Variants in LURAP1L observed in about 807,000 individuals in gnomAD.
The protein encoded by LURAP1L is leucine rich adaptor protein 1 like, also known as leucine rich adaptor protein 1-like.
Under a neutral mutation model 13.8 loss-of-function variants are expected in LURAP1L, and 12 were observed. That is an observed-to-expected ratio of 0.87 (90% CI 0.56 to 1.41). The LOEUF is 1.41. Among genes scored for constraint, LURAP1L ranks in the 40% most tolerant of loss-of-function variants. The pLI is 0.00. For synonymous variants in LURAP1L, 139 were observed against 119.2 expected, an observed-to-expected ratio of 1.17 and a Z score of -1.08; for missense variants, 375 against 292.9, an observed-to-expected ratio of 1.28 and a Z score of -2.04.
chr9:12,784,672 G>T (rs911185804), intron 1 of LURAP1L, among the ~76,000 whole-genome samples: 4 of 152,144 alleles, frequency 2.6e-5, no homozygotes, highest in African/African-American at 9.7e-5. Context: ...GTCACCCGAG[G>T]CCTGTGGCAA....
intron 1 of LURAP1L, among the ~76,000 whole-genome samples, chr9:12,791,879 C>T (rs905468920): frequency 3.9e-5 from 6 of 152,102 alleles, no homozygotes; most frequent in African/African-American, 1.4e-4. Context: ...ATTAATGCCA[C>T]AATTAATGAC....
In LURAP1L at chr9:12,775,844, C is replaced by T. The variant is rs1819166345; in HGVS notation, c.129C>T (p.Cys43=). The T allele has an allele frequency of 4.4e-6, 7 of 1,581,288 alleles. No homozygotes were observed. The South Asian group carries it at 4.5e-5, about 10-fold the overall frequency. The part of the protein sequence containing the change: ...PVPRERDRDP[C]GGSGGGGGGG... ...CCAGGGAAAGGGACAGGGACCCCTG[C>T]GGGGGGAGCGGTGGTGGTGGCGGCG... Residue 43 remains cysteine, a synonymous_variant, in exon 1 of 2, where the codon TGC becomes TGT. Transcript: ENST00000319264.
At chr9:12,786,343 T>G (rs1819350191) in intron 1 of LURAP1L, among the ~76,000 whole-genome samples, 1 of 151,554 alleles carries the variant, frequency 6.6e-6, no homozygotes, top group South Asian at 2.1e-4. Context: ...CACTTAATAG[T>G]TCTTTTCTAA....
chr9:12,791,839 C>T (rs1253047121), intron 1 of LURAP1L, among the ~76,000 whole-genome samples: 4 of 152,062 alleles, frequency 2.6e-5, no homozygotes, highest in East Asian at 3.9e-4. Flanking sequence ...TGTTGTCCTT[C>T]GTCCATCGTG....
intron 1 of LURAP1L, among the ~76,000 whole-genome samples, chr9:12,782,340 G>C (rs1044614313): frequency 6.6e-6 from 1 of 152,212 alleles, no homozygotes; most frequent in Non-Finnish European, 1.5e-5. Context: ...CCAGAGCAAT[G>C]TTATAGAGAG....
intron 1 of LURAP1L, among the ~76,000 whole-genome samples, chr9:12,802,743 T>G (rs1652585848): frequency 6.6e-6 from 1 of 152,128 alleles, no homozygotes; most frequent in African/African-American, 2.4e-5. Context: ...GTCTATGGAA[T>G]GAACTGTCAC....
chr9:12,797,868 C>T (rs1021683981), intron 1 of LURAP1L, among the ~76,000 whole-genome samples: 2 of 151,998 alleles, frequency 1.3e-5, no homozygotes, highest in Non-Finnish European at 2.9e-5. Flanking sequence ...TTTAGTTTCA[C>T]GTGTATTTGA....
In LURAP1L at chr9:12,775,403, C is replaced by T. The variant is rs1401700210; in HGVS notation, c.-313C>T. Reference sequence around the variant, plus strand: ...CACTACTTCCCCCTCTTTATTCCCCCTCTGTCTGCAATATCAGTGAACTCA... The same window carrying T: ...CACTACTTCCCCCTCTTTATTCCCCTTCTGTCTGCAATATCAGTGAACTCA... On this transcript the variant is annotated 5_prime_UTR_variant, in exon 1 of 2. Coordinates refer to ENST00000319264, the MANE Select transcript of LURAP1L (RefSeq NM_203403.2). 1 of 331,806 alleles carries T rather than the reference C, an allele frequency of 3.0e-6. No homozygotes were observed. Among genetic ancestry groups the T allele is most frequent in the Non-Finnish European group, 5.4e-6 (1 of 185,992 alleles). The allele number at this position is 331,806 out of a possible 1,614,324, so 20.6% of individuals were successfully genotyped here. A position where few individuals can be genotyped will look rare whatever the true frequency, so the allele number is the denominator to read the frequency against.
chr9:12,775,812 C>G lies in LURAP1L; in HGVS notation c.97C>G (p.Pro33Ala), dbSNP rs760183432. The G allele has an allele frequency of 3.7e-6, 6 of 1,606,962 alleles. 1 individual carries two copies. Among genetic ancestry groups the G allele is most frequent in the Non-Finnish European group, 5.1e-6 (6 of 1,177,720 alleles). ...SLVRSLRGEE[P>A]VPRERDRDPC... Reference sequence around the variant, plus strand: ...AGTGCGCTCTCTCCGTGGGGAGGAGCCGGTTCCCAGGGAAAGGGACAGGGA... The same window carrying G: ...AGTGCGCTCTCTCCGTGGGGAGGAGGCGGTTCCCAGGGAAAGGGACAGGGA... Residue 33 changes from proline (P) to alanine (A), a missense_variant, in exon 1 of 2, where the codon CCG becomes GCG. Coordinates refer to ENST00000319264, the MANE Select transcript of LURAP1L (RefSeq NM_203403.2).
intron 1 of LURAP1L, among the ~76,000 whole-genome samples, chr9:12,818,323 C>T (rs1045102980): frequency 6.6e-6 from 1 of 152,162 alleles, no homozygotes; most frequent in Non-Finnish European, 1.5e-5. Context: ...TATGTTTTAA[C>T]CCCTGGTGGC....
chr9:12,791,659 T>C (rs1021174010), intron 1 of LURAP1L, among the ~76,000 whole-genome samples: 1 of 134,640 alleles, frequency 7.4e-6, no homozygotes, highest in Non-Finnish European at 1.7e-5. Flanking sequence ...TCTCTCTCCT[T>C]CTCTCTCTCT....
At chr9:12,790,430 C>G (rs1246640487) in intron 1 of LURAP1L, among the ~76,000 whole-genome samples, 1 of 152,098 alleles carries the variant, frequency 6.6e-6, no homozygotes, top group Non-Finnish European at 1.5e-5. Flanking sequence ...ACTACACTAG[C>G]AACATTTGCT....
In LURAP1L at chr9:12,813,655, A is replaced by C. The variant is rs1819767681; in HGVS notation, c.313-7731A>C. 2.6e-5 allele frequency among the ~76,000 whole-genome samples: 4 copies of C among 152,212 alleles called. No individual in the cohort carries two copies. The South Asian group carries it at 8.3e-4, about 31-fold the overall frequency. On this transcript the variant is annotated intron_variant, in intron 1 of 1. Coordinates refer to ENST00000319264, the MANE Select transcript of LURAP1L (RefSeq NM_203403.2). ...GTTATTACATTTCCAATAGTGCCAA[A>C]AAAAGGAAATATTCTCCATGTATTT...
At chr9:12,784,041 A>T (rs1461350355) in intron 1 of LURAP1L, among the ~76,000 whole-genome samples, 1 of 152,058 alleles carries the variant, frequency 6.6e-6, no homozygotes, top group Non-Finnish European at 1.5e-5. Context: ...AAATTATTTC[A>T]ATCTAATTTA....
intron 1 of LURAP1L, among the ~76,000 whole-genome samples, chr9:12,785,820 C>A (rs1023930599): frequency 5.3e-5 from 8 of 152,216 alleles, no homozygotes; most frequent in African/African-American, 1.7e-4. Context: ...ATGTTAAAAC[C>A]GGGTACTATG....
chr9:12,784,322 T>A (rs1819319379), intron 1 of LURAP1L, among the ~76,000 whole-genome samples: 1 of 152,192 alleles, frequency 6.6e-6, no homozygotes, highest in East Asian at 1.9e-4. Context: ...CTGGGCTTGC[T>A]TGTACCTGCC....
chr9:12,793,942 TTC>T (rs1819479395), intron 1 of LURAP1L, among the ~76,000 whole-genome samples: 1 of 152,106 alleles, frequency 6.6e-6, no homozygotes, highest in Non-Finnish European at 1.5e-5. Flanking sequence ...GGATGCCGCT[TTC>T]TGTGTTAGAG....
intron 1 of LURAP1L, among the ~76,000 whole-genome samples, chr9:12,809,430 T>A (rs560234421): frequency 4.6e-5 from 7 of 152,368 alleles, no homozygotes; most frequent in Admixed American, 3.3e-4. Context: ...ATCAAAGGCA[T>A]TATTTATGTT....
Position 12,775,532 on chromosome 9 carries a change from C to A in LURAP1L, c.-184C>A. 1.1e-6 allele frequency: 1 copy of A among 891,068 alleles called. No homozygotes were observed. Among genetic ancestry groups the A allele is most frequent in the Non-Finnish European group, 1.6e-6 (1 of 631,594 alleles). 55.2% of individuals were successfully genotyped at this position (891,068 alleles called of 1,614,324 possible). ...TGGGAACTGCAGCTGCGACCCCCCG[C>A]GTCCTGTGCGGATTTCAGGGCTGAT... On this transcript the variant is annotated 5_prime_UTR_variant, in exon 1 of 2. Coordinates refer to ENST00000319264, the MANE Select transcript of LURAP1L (RefSeq NM_203403.2).
Sources: gnomAD v4.1 joint callset for allele counts (sites outside exome capture counted in the v4.1 genomes callset) on GRCh38, gnomAD v4.1.1 for gene constraint, MANE v1.5 for transcripts, NCBI Gene and HGNC (gene_info 2026-07-23, HGNC 2026-07-21) for gene names.